Variants in TMPRSS11E observed in about 807,000 individuals in gnomAD.
TMPRSS11E encodes the protein transmembrane protease serine 11E.
In TMPRSS11E, 38 loss-of-function variants were observed where a neutral mutation model predicts 48.1. The observed-to-expected ratio is 0.79, with a 90% CI of 0.61 to 1.04. The LOEUF (loss-of-function observed/expected upper bound fraction) is 1.04. Ranked by LOEUF, TMPRSS11E falls within the 50% of genes least tolerant of loss-of-function variation. The pLI is 0.00. For missense variants in TMPRSS11E, 530 were observed against 510.8 expected (o/e 1.04, Z -0.36); for synonymous variants, 158 against 171.9 (o/e 0.92, Z 0.63).
chr4:68,476,445 C>T lies in TMPRSS11E; in HGVS notation c.707+7C>T. 1 of 1,599,056 alleles carries T rather than the reference C, an allele frequency of 6.3e-7. No homozygotes were observed. The highest frequency in any genetic ancestry group is 2.2e-5 in the East Asian group (1 of 44,638). On this transcript the variant is annotated splice_region_variant and intron_variant, in intron 7 of 9. Transcript: ENST00000305363. ...CTGCTCACTGTTTTACAACGTAAGT[C>T]TTGAAGCTTGAGAATGATTGGGAGT...
intron 9 of TMPRSS11E, among the ~76,000 whole-genome samples, chr4:68,487,168 TGCTA>T (rs1454256153): frequency 1.3e-5 from 2 of 152,206 alleles, no homozygotes. Flanking sequence ...GCCATCATGT[TGCTA>T]GCTGGTTATT....
intron 5 of TMPRSS11E, among the ~76,000 whole-genome samples, chr4:68,473,522 A>G (rs1374363936): frequency 6.6e-6 from 1 of 152,166 alleles, no homozygotes; most frequent in African/African-American, 2.4e-5. Flanking sequence ...GAAAGAAACT[A>G]TGGACACACT....
At position 68,496,915 on chromosome 4, in the gene TMPRSS11E, G is replaced by C; in HGVS notation, c.*111G>C. ...ACTTGCAAAACAGCTAGATTTGACT[G>C]ATCTCAATAAACTGTTTGCTTGATG... On this transcript the variant is annotated 3_prime_UTR_variant, in exon 10 of 10. Transcript: ENST00000305363. 9.1e-7 allele frequency: 1 copy of C among 1,098,992 alleles called. No individual in the cohort carries two copies. The highest frequency in any genetic ancestry group is 1.5e-5 in the South Asian group (1 of 65,196). The allele number at this position is 1,098,992 out of a possible 1,614,324, so 68.1% of individuals were successfully genotyped here.
At chr4:68,486,710 A>G (rs191196194) in intron 9 of TMPRSS11E, among the ~76,000 whole-genome samples, 4 of 152,250 alleles carry the variant, frequency 2.6e-5, no homozygotes, top group African/African-American at 7.2e-5. Flanking sequence ...CTGCCTTTAT[A>G]ACACCTTTAG....
chr4:68,491,364 A>G (rs2109722189), intron 9 of TMPRSS11E, among the ~76,000 whole-genome samples: 1 of 144,860 alleles, frequency 6.9e-6, no homozygotes, highest in African/African-American at 2.5e-5. Context: ...TTTGTCCTGC[A>G]TTTCTGAGCC....
intron 9 of TMPRSS11E, among the ~76,000 whole-genome samples, chr4:68,492,376 C>G (rs571276406): frequency 1.6e-4 from 24 of 152,194 alleles, no homozygotes; most frequent in Non-Finnish European, 2.9e-4. Context: ...TGAGCATATT[C>G]TTACCTGAGG....
chr4:68,471,545 G>T lies in TMPRSS11E; in HGVS notation c.412G>T (p.Val138Phe). 1.2e-6 allele frequency: 2 copies of T among 1,611,276 alleles called. No homozygotes were observed. Among genetic ancestry groups the T allele is most frequent in the Non-Finnish European group, 1.7e-6 (2 of 1,178,638 alleles). ...GGATCCTGAAACTGTAGATAAAATT[G>T]TTCAACTTGTTTTACATGAAAAGCT... ...TEDPETVDKI[V>F]QLVLHEKLQD... Residue 138 changes from valine (V) to phenylalanine (F), a missense_variant, in exon 5 of 10, where the codon GTT (valine) becomes TTT (phenylalanine). Val to Phe is a conservative substitution (Grantham distance 50). Transcript: ENST00000305363.
At chr4:68,450,043 T>C (rs183318065) in intron 1 of TMPRSS11E, among the ~76,000 whole-genome samples, 30 of 151,966 alleles carry the variant, frequency 2.0e-4, no homozygotes, top group African/African-American at 7.2e-4. Flanking sequence ...GGAAAAACCT[T>C]GGTATAAAAT....
intron 9 of TMPRSS11E, 150 bp downstream of exon 9, chr4:68,479,141 T>A: frequency 1.1e-6 from 1 of 892,604 alleles, no homozygotes; most frequent in Non-Finnish European, 1.7e-6. Context: ...CACATAACTA[T>A]AGTTCAATAT....
intron 1 of TMPRSS11E, among the ~76,000 whole-genome samples, chr4:68,447,847 T>C (rs1418421008): frequency 6.6e-6 from 1 of 151,982 alleles, no homozygotes; most frequent in African/African-American, 2.4e-5. Flanking sequence ...TAACATATTT[T>C]TAGCTTGGGC....
At chr4:68,486,087 C>G (rs974846998) in intron 9 of TMPRSS11E, among the ~76,000 whole-genome samples, 14 of 151,882 alleles carry the variant, frequency 9.2e-5, no homozygotes, top group African/African-American at 2.9e-4. Context: ...TTTCAAAGAA[C>G]AAGTTGTTTG....
intron 1 of TMPRSS11E, among the ~76,000 whole-genome samples, chr4:68,455,291 G>C (rs992380548): frequency 6.6e-6 from 1 of 151,924 alleles, no homozygotes; most frequent in Non-Finnish European, 1.5e-5. Flanking sequence ...TTTGTGTTAT[G>C]TGAGGCATGG....
At chr4:68,487,873 A>G (rs578214887) in intron 9 of TMPRSS11E, among the ~76,000 whole-genome samples, 58 of 147,394 alleles carry the variant, frequency 3.9e-4, no homozygotes, top group African/African-American at 1.3e-3. Context: ...CCTGAGAGGC[A>G]GAGGTTACAG....
chr4:68,449,113 A>G (rs1728424658), intron 1 of TMPRSS11E, among the ~76,000 whole-genome samples: 1 of 151,706 alleles, frequency 6.6e-6, no homozygotes, highest in African/African-American at 2.4e-5. Context: ...TACCTGAATA[A>G]GAATCAGTTT....
At position 68,447,522 on chromosome 4, in the gene TMPRSS11E, C is replaced by T. The variant is rs373417678; in HGVS notation, c.10C>T (p.Arg4Trp). The T allele has an allele frequency of 2.1e-5, 33 of 1,608,664 alleles. No homozygotes were observed. Among genetic ancestry groups the T allele is most frequent in the South Asian group, 1.4e-4 (13 of 90,482 alleles). Residue 4 changes from arginine (R) to tryptophan (W), a missense_variant and splice_region_variant, in exon 1 of 10, where the codon CGG (arginine) becomes TGG (tryptophan). Coordinates refer to ENST00000305363, the MANE Select transcript of TMPRSS11E (RefSeq NM_014058.4). ...TCATTGCTGGTTGGCAATGATGTAT[C>T]GGTGAGTTAGTTCCCTTTTTCTTTC... is the stretch of plus-strand genomic sequence containing the variant. MMYRPDVVRARKRV... is the reference protein window; with the variant it reads MMYWPDVVRARKRV...
intron 6 of TMPRSS11E, among the ~76,000 whole-genome samples, chr4:68,475,807 C>T (rs1344561752): frequency 2.0e-4 from 31 of 152,128 alleles, no homozygotes; most frequent in Admixed American, 2.0e-3. Context: ...TCTTATGATG[C>T]ACAGGGCAGC....
intron 1 of TMPRSS11E, among the ~76,000 whole-genome samples, chr4:68,456,607 C>G (rs966128177): frequency 6.6e-6 from 1 of 151,996 alleles, no homozygotes; most frequent in Non-Finnish European, 1.5e-5. Context: ...TTGGGCTTTT[C>G]ACAAAGTAAA....
At chr4:68,455,715 A>G in intron 1 of TMPRSS11E, among the ~76,000 whole-genome samples, 1 of 151,926 alleles carries the variant, frequency 6.6e-6, no homozygotes, top group East Asian at 1.9e-4. Context: ...CTGCTTGTTA[A>G]TTCTTATTTT....
At chr4:68,483,560 TA>T (rs1299806556) in intron 9 of TMPRSS11E, among the ~76,000 whole-genome samples, 1 of 152,160 alleles carries the variant, frequency 6.6e-6, no homozygotes, top group African/African-American at 2.4e-5. Flanking sequence ...AGTTTGCAAA[TA>T]TTTTTTCCTA....
Sources: allele counts gnomAD v4.1 joint callset (sites outside exome capture counted in the v4.1 genomes callset), GRCh38; gene constraint gnomAD v4.1.1; transcripts MANE v1.5; gene names NCBI Gene and HGNC (gene_info 2026-07-23, HGNC 2026-07-21).